IGFL2: variants seen among roughly 807,000 people sequenced by gnomAD.
IGFL2 encodes IGF like family member 2.
Under a neutral mutation model 13.9 loss-of-function variants are expected in IGFL2, and 7 were observed. The ratio of observed to expected loss-of-function variants is 0.51; its 90% confidence interval spans 0.29 to 0.95. IGFL2 has a LOEUF of 0.95. Among genes scored for constraint, IGFL2 ranks in the 40% least tolerant of loss-of-function variants. The probability of loss-of-function intolerance (pLI) is 0.08; values close to 1 mark genes in which losing one functional copy is unlikely to be tolerated. For missense variants in IGFL2, 138 were observed against 147.8 expected, an observed-to-expected ratio of 0.93 and a Z score of 0.34; for synonymous variants, 55 against 55.8, an observed-to-expected ratio of 0.99 and a Z score of 0.07.
At chr19:46,102,244 A>G in the IGFL2 span, among the ~76,000 whole-genome samples, 4 of 152,188 alleles carry the variant, frequency 2.6e-5, no homozygotes, top group African/African-American at 9.7e-5. Context: ...GGCTTTGTGT[A>G]AGCAATAAAG....
the IGFL2 span, among the ~76,000 whole-genome samples, chr19:46,167,067 C>T: frequency 3.9e-5 from 6 of 152,158 alleles, no homozygotes; most frequent in African/African-American, 1.4e-4. Flanking sequence ...GGTAAGTGTC[C>T]ATGAAATCTT....
chr19:46,087,099 T>C, the IGFL2 span, among the ~76,000 whole-genome samples: 1 of 152,172 alleles, frequency 6.6e-6, no homozygotes, highest in Non-Finnish European at 1.5e-5. Context: ...GGCCAATCGT[T>C]GGTCCTCCAG....
the IGFL2 span, among the ~76,000 whole-genome samples, chr19:46,126,398 G>T: frequency 6.6e-6 from 1 of 152,256 alleles, no homozygotes; most frequent in South Asian, 2.1e-4. Flanking sequence ...AGTTATCATT[G>T]AACTGGTGAC....
the IGFL2 span, among the ~76,000 whole-genome samples, chr19:46,110,809 A>G: frequency 6.6e-6 from 1 of 152,204 alleles, no homozygotes. Flanking sequence ...AGATGATACG[A>G]TACATCATGA....
the IGFL2 span, among the ~76,000 whole-genome samples, chr19:46,093,422 C>A: frequency 7.9e-5 from 12 of 152,138 alleles, no homozygotes; most frequent in African/African-American, 2.9e-4. Flanking sequence ...TAAAAGACAT[C>A]TACAAAAATC....
chr19:46,136,874 A>G, the IGFL2 span: 66 of 757,778 alleles, frequency 8.7e-5, 2 homozygotes, highest in South Asian at 6.5e-4. Context: ...TGAAAAGACT[A>G]CTCTGTGTAT....
downstream of IGFL2, among the ~76,000 whole-genome samples, chr19:46,162,562 T>C (rs1974214649): frequency 2.0e-5 from 3 of 152,232 alleles, no homozygotes; most frequent in Non-Finnish European, 2.9e-5. Flanking sequence ...GTTCTGAGAT[T>C]CTTTCCTCAG....
upstream of IGFL2, among the ~76,000 whole-genome samples, chr19:46,146,301 T>C (rs1251517531): frequency 6.6e-6 from 1 of 152,250 alleles, no homozygotes; most frequent in African/African-American, 2.4e-5. Context: ...TCTGTTCCTT[T>C]GATCTATGTG....
chr19:46,200,801 A>G, the IGFL2 span: 2 of 152,294 alleles, frequency 1.3e-5, no homozygotes, highest in East Asian at 3.9e-4. Context: ...GATTACAGGC[A>G]GGAGCCACCA....
chr19:46,112,823 C>G, the IGFL2 span, among the ~76,000 whole-genome samples: 5 of 152,122 alleles, frequency 3.3e-5, no homozygotes, highest in African/African-American at 1.2e-4. Flanking sequence ...AATCTGCTAT[C>G]AAATTGATGA....
chr19:46,098,372 C>G, the IGFL2 span, among the ~76,000 whole-genome samples: 9 of 151,974 alleles, frequency 5.9e-5, no homozygotes, highest in South Asian at 1.9e-3. Flanking sequence ...TCCTTCATCC[C>G]TTTATTTTGA....
chr19:46,141,631 A>G (rs538268376), upstream of IGFL2, among the ~76,000 whole-genome samples: 19 of 152,278 alleles, frequency 1.2e-4, no homozygotes, highest in Non-Finnish European at 2.6e-4. Context: ...AACAGGCTTC[A>G]ACAACATGAC....
At chr19:46,137,443 A>C in the IGFL2 span, 2 of 1,036,592 alleles carry the variant, frequency 1.9e-6, no homozygotes, top group Non-Finnish European at 1.5e-6. Flanking sequence ...AATGGTGCTC[A>C]TACAGCCAAT....
chr19:46,167,942 CT>C, the IGFL2 span, among the ~76,000 whole-genome samples: 5 of 152,318 alleles, frequency 3.3e-5, no homozygotes, highest in East Asian at 9.6e-4. Context: ...AGAAAATTAA[CT>C]TCTGTTGTTT....
the IGFL2 span, among the ~76,000 whole-genome samples, chr19:46,109,301 G>T: frequency 6.6e-6 from 1 of 151,814 alleles, no homozygotes; most frequent in Non-Finnish European, 1.5e-5. Context: ...CTCAAGGATG[G>T]GGAGAATATT....
the IGFL2 span, among the ~76,000 whole-genome samples, chr19:46,132,174 A>C: frequency 2.6e-5 from 4 of 152,130 alleles, no homozygotes; most frequent in Non-Finnish European, 4.4e-5. Context: ...GCTGGTAAGA[A>C]ATTCTTACCC....
the IGFL2 span, among the ~76,000 whole-genome samples, chr19:46,115,512 G>A: frequency 6.6e-6 from 1 of 152,134 alleles, no homozygotes; most frequent in Non-Finnish European, 1.5e-5. Context: ...CAGCTTGGGA[G>A]CTGTGGCCAG....
At chr19:46,104,210 C>T in the IGFL2 span, among the ~76,000 whole-genome samples, 1 of 152,130 alleles carries the variant, frequency 6.6e-6, no homozygotes, top group Non-Finnish European at 1.5e-5. Context: ...AAAGTGCATC[C>T]ATATAAAAGT....
the IGFL2 span, chr19:46,208,028 A>C: frequency 6.6e-6 from 1 of 152,198 alleles, no homozygotes; most frequent in Non-Finnish European, 1.5e-5. Context: ...GACTACACTG[A>C]GCGTGGTGAA....
Sources: allele counts gnomAD v4.1 joint callset (sites outside exome capture counted in the v4.1 genomes callset), GRCh38; gene constraint gnomAD v4.1.1; transcripts MANE v1.5; gene names NCBI Gene and HGNC (gene_info 2026-07-23, HGNC 2026-07-21).